RHBDD1: variants seen among roughly 807,000 people sequenced by gnomAD.
RHBDD1 encodes rhomboid domain containing 1, also known as rhomboid-related protein 4.
Under a neutral mutation model 36.3 loss-of-function variants are expected in RHBDD1, and 38 were observed. The observed-to-expected ratio is 1.05, with a 90% CI of 0.81 to 1.37. The LOEUF is 1.37. Ranked by LOEUF, RHBDD1 falls within the 40% of genes most tolerant of loss-of-function variation. The pLI, the probability that RHBDD1 is intolerant of heterozygous loss-of-function variation, is 0.00. For missense variants in RHBDD1, 393 were observed against 377.6 expected (o/e 1.04, Z -0.34); for synonymous variants, 151 against 136.5 (o/e 1.11, Z -0.74).
At chr2:226,839,230 G>A (rs1941345619) in intron 2 of RHBDD1, among the ~76,000 whole-genome samples, 179 bp from the exon 3 acceptor site, 1 of 151,902 alleles carries the variant, frequency 6.6e-6, no homozygotes, top group African/African-American at 2.4e-5. Flanking sequence ...GGAATATGGG[G>A]GTGGGGACCA....
chr2:226,988,204 C>A, intron 8 of RHBDD1: 1 of 809,330 alleles, frequency 1.2e-6, no homozygotes, highest in Non-Finnish European at 1.9e-6. Context: ...TAAAACTTAC[C>A]CAAAGACAGT....
the RHBDD1 span, among the ~76,000 whole-genome samples, chr2:226,801,374 T>TA: frequency 1.3e-5 from 2 of 151,674 alleles, no homozygotes; most frequent in Admixed American, 6.6e-5. Context: ...CAAAGCGTAG[T>TA]AAAAAAAGAA....
chr2:226,825,424 T>G, the RHBDD1 span, among the ~76,000 whole-genome samples: 1 of 152,200 alleles, frequency 6.6e-6, no homozygotes, highest in South Asian at 2.1e-4. Flanking sequence ...TAAGAACAAT[T>G]GGACAGCTGT....
At chr2:226,818,562 C>T in the RHBDD1 span, among the ~76,000 whole-genome samples, 50 of 148,594 alleles carry the variant, frequency 3.4e-4, no homozygotes, top group Non-Finnish European at 5.1e-4. Context: ...ATGACCTGGC[C>T]GGGTGTGGTG....
intron 8 of RHBDD1, among the ~76,000 whole-genome samples, chr2:226,929,710 T>C (rs1206632036): frequency 1.3e-5 from 2 of 151,866 alleles, no homozygotes; most frequent in African/African-American, 4.8e-5. Context: ...AATGTCTCTG[T>C]TTGCTGATGA....
At chr2:226,992,861 C>T (rs1489027252) in intron 8 of RHBDD1, among the ~76,000 whole-genome samples, 1 of 152,146 alleles carries the variant, frequency 6.6e-6, no homozygotes, top group African/African-American at 2.4e-5. Flanking sequence ...GCTCAGTGAC[C>T]TCAGATGTGT....
At chr2:226,806,838 T>C in the RHBDD1 span, among the ~76,000 whole-genome samples, 4 of 152,378 alleles carry the variant, frequency 2.6e-5, no homozygotes, top group East Asian at 7.7e-4. Flanking sequence ...ACCAACTTTC[T>C]ATATGAATAT....
chr2:226,873,227 A>C (rs2125315600), intron 5 of RHBDD1, among the ~76,000 whole-genome samples: 1 of 152,332 alleles, frequency 6.6e-6, no homozygotes, highest in Non-Finnish European at 1.5e-5. Context: ...GCAGTGACTC[A>C]GCTATGCACA....
chr2:226,834,442 A>C (rs1940819465), upstream of RHBDD1, among the ~76,000 whole-genome samples: 1 of 152,218 alleles, frequency 6.6e-6, no homozygotes, highest in African/African-American at 2.4e-5. Flanking sequence ...TTTTCTAGGA[A>C]AGAGGTAACT....
At chr2:226,829,795 G>C in the RHBDD1 span, among the ~76,000 whole-genome samples, 3 of 152,146 alleles carry the variant, frequency 2.0e-5, no homozygotes, top group African/African-American at 7.2e-5. Flanking sequence ...CATATCAGGT[G>C]ATCTGTGAAT....
chr2:226,906,836 A>G lies in RHBDD1; in HGVS notation c.610A>G (p.Met204Val). Residue 204 changes from methionine to valine, a missense_variant, in exon 6 of 9, where the codon ATG (methionine) becomes GTG (valine). Met to Val is a conservative substitution (Grantham distance 21, BLOSUM62 1). Transcript: ENST00000392062. ...TCTGGCTGGGATTCTTGTTGGACTA[A>G]TGTACACTCAAGGGCCTCTGAAGAA... ...GHLAGILVGL[M>V]YTQGPLKKIM... 6.2e-7 allele frequency: 1 copy of G among 1,614,130 alleles called. No individual in the cohort carries two copies. The highest frequency in any genetic ancestry group is 1.1e-5 in the South Asian group (1 of 91,092).
chr2:226,994,706 T>C (rs566296547), intron 8 of RHBDD1, among the ~76,000 whole-genome samples: 2 of 152,314 alleles, frequency 1.3e-5, no homozygotes. Flanking sequence ...TCAAGGACTA[T>C]GTATTTTTCT....
chr2:226,963,930 G>A (rs1293378191), intron 8 of RHBDD1, among the ~76,000 whole-genome samples: 1 of 152,074 alleles, frequency 6.6e-6, no homozygotes, highest in Non-Finnish European at 1.5e-5. Context: ...CCTGACAACT[G>A]AGCAGGGAAG....
intron 8 of RHBDD1, among the ~76,000 whole-genome samples, chr2:226,927,192 ATC>A (rs1488872832): frequency 7.2e-5 from 11 of 152,156 alleles, no homozygotes; most frequent in Admixed American, 7.2e-4. Flanking sequence ...TATAAATGAA[ATC>A]ACACAGTATT....
intron 5 of RHBDD1, among the ~76,000 whole-genome samples, chr2:226,870,981 G>A (rs1266920422): frequency 6.6e-6 from 1 of 152,094 alleles, no homozygotes; most frequent in Admixed American, 6.5e-5. Context: ...TGTTGTTCAA[G>A]GATCCACTGT....
chr2:226,813,504 A>T, the RHBDD1 span, among the ~76,000 whole-genome samples: 8 of 152,228 alleles, frequency 5.3e-5, no homozygotes, highest in Non-Finnish European at 8.8e-5. Flanking sequence ...CACTTTTTCC[A>T]TCTTTTGCCA....
At chr2:226,905,239 A>G (rs866709515) in intron 5 of RHBDD1, among the ~76,000 whole-genome samples, 3 of 151,878 alleles carry the variant, frequency 2.0e-5, no homozygotes, top group African/African-American at 7.3e-5. Flanking sequence ...TTTGTGTGTG[A>G]CAGAGAGAGA....
At chr2:226,975,872 T>C (rs1161496019) in intron 8 of RHBDD1, among the ~76,000 whole-genome samples, 1 of 152,144 alleles carries the variant, frequency 6.6e-6, no homozygotes, top group African/African-American at 2.4e-5. Context: ...CAAGATTACC[T>C]TGTCCCTCTG....
chr2:226,935,281 C>A (rs1950265604), intron 8 of RHBDD1: 2 of 152,066 alleles, frequency 1.3e-5, no homozygotes, highest in African/African-American at 4.8e-5. Flanking sequence ...GCTTTGTTAA[C>A]AGAGCATTTA....
Sources: allele counts gnomAD v4.1 joint callset (sites outside exome capture counted in the v4.1 genomes callset), GRCh38; gene constraint gnomAD v4.1.1; transcripts MANE v1.5; gene names NCBI Gene and HGNC (gene_info 2026-07-23, HGNC 2026-07-21).